Variants in GRIK3 observed in about 807,000 individuals in gnomAD.
The protein encoded by GRIK3 is glutamate ionotropic receptor kainate type subunit 3.
In GRIK3, 29 loss-of-function variants were observed where a neutral mutation model predicts 102.5. The ratio of observed to expected loss-of-function variants is 0.28; its 90% CI spans 0.21 to 0.39. GRIK3 has a LOEUF of 0.39. Among genes scored for constraint, GRIK3 ranks in the 10% least tolerant of loss-of-function variants. GRIK3 has a pLI of 1.00. For synonymous variants in GRIK3, 511 were observed against 504.9 expected (o/e 1.01, Z -0.16); for missense variants, 908 against 1,252.4 (o/e 0.73, Z 4.15).
intron 1 of GRIK3, among the ~76,000 whole-genome samples, chr1:36,959,967 G>T (rs373945244): frequency 2.0e-5 from 1 of 49,164 alleles, no homozygotes; most frequent in Non-Finnish European, 4.1e-5. Context: ...TGTGCCCTGT[G>T]AGTCTATGCC....
chr1:36,958,114 G>C (rs1570823698), intron 1 of GRIK3, among the ~76,000 whole-genome samples: 4 of 71,534 alleles, frequency 5.6e-5, no homozygotes, highest in African/African-American at 1.4e-4. Context: ...TGCCCCGTGA[G>C]TCTGTGTCCC....
intron 1 of GRIK3, among the ~76,000 whole-genome samples, chr1:36,979,145 G>T (rs1044620655): frequency 6.6e-6 from 1 of 152,198 alleles, no homozygotes; most frequent in Non-Finnish European, 1.5e-5. Flanking sequence ...GCCCCTCTAG[G>T]TATGGTATCC....
intron 1 of GRIK3, among the ~76,000 whole-genome samples, chr1:36,919,981 G>C (rs906986134): frequency 2.0e-5 from 3 of 152,250 alleles, no homozygotes; most frequent in African/African-American, 4.8e-5. Flanking sequence ...ACTGGATGCA[G>C]TATGGCTCCC....
At chr1:37,009,089 A>C (rs1419383318) in intron 1 of GRIK3, among the ~76,000 whole-genome samples, 1 of 151,810 alleles carries the variant, frequency 6.6e-6, no homozygotes, top group Non-Finnish European at 1.5e-5. Context: ...AATAATAATA[A>C]TAATAATAAT....
At chr1:37,022,772 T>A (rs1427444474) in intron 1 of GRIK3, among the ~76,000 whole-genome samples, 1 of 152,268 alleles carries the variant, frequency 6.6e-6, no homozygotes, top group South Asian at 2.1e-4. Context: ...CATTCATTTA[T>A]TCAACAAATA....
At chr1:36,946,887 G>T (rs559537746) in intron 1 of GRIK3, among the ~76,000 whole-genome samples, 1 of 152,300 alleles carries the variant, frequency 6.6e-6, no homozygotes, top group Admixed American at 6.5e-5. Context: ...GGAAGACCTG[G>T]ACAATTTGAT....
intron 2 of GRIK3, among the ~76,000 whole-genome samples, chr1:36,886,792 C>T (rs1280558986): frequency 6.6e-6 from 1 of 152,192 alleles, no homozygotes. Flanking sequence ...TTTCCAACAC[C>T]TAAGAAGGGT....
intron 5 of GRIK3, among the ~76,000 whole-genome samples, chr1:36,864,841 ATTT>A (rs570003008): frequency 2.2e-5 from 3 of 134,390 alleles, no homozygotes; most frequent in Admixed American, 7.4e-5. Flanking sequence ...GTCCAGCTCC[ATTT>A]TTTTTTTTTT....
At chr1:36,963,302 C>T (rs1642035519) in intron 1 of GRIK3, among the ~76,000 whole-genome samples, 1 of 152,156 alleles carries the variant, frequency 6.6e-6, no homozygotes, top group African/African-American at 2.4e-5. Context: ...GAGAAAACAG[C>T]TCTGGGAATA....
chr1:37,028,114 C>T (rs145407549), intron 1 of GRIK3, among the ~76,000 whole-genome samples: 3 of 152,036 alleles, frequency 2.0e-5, no homozygotes, highest in South Asian at 2.1e-4. Context: ...GGAAGGAAAA[C>T]GGGAAGTGAG....
intron 1 of GRIK3, among the ~76,000 whole-genome samples, chr1:36,983,366 G>A (rs1642269815): frequency 6.6e-6 from 1 of 152,098 alleles, no homozygotes; most frequent in South Asian, 2.1e-4. Context: ...ATACCTGCAG[G>A]TACACACGGC....
intron 2 of GRIK3, among the ~76,000 whole-genome samples, chr1:36,887,084 C>T (rs1024424780): frequency 1.1e-4 from 17 of 152,276 alleles, no homozygotes; most frequent in African/African-American, 3.9e-4. Flanking sequence ...TTAGTAGATA[C>T]TGCCAAATAG....
At chr1:36,918,649 C>T (rs1183614700) in intron 1 of GRIK3, among the ~76,000 whole-genome samples, 1 of 152,104 alleles carries the variant, frequency 6.6e-6, no homozygotes, top group Admixed American at 6.5e-5. Context: ...CAGGTGTGTC[C>T]AGCTGTGTCC....
rs192089298 is a variant in GRIK3, at chr1:36,842,981, C to A, written c.1327-1042G>T. 1.2e-4 allele frequency among the ~76,000 whole-genome samples: 19 copies of A among 152,110 alleles called. No homozygotes were observed. In the East Asian group the frequency reaches 3.3e-3, roughly 26 times the overall value. On this transcript the variant is annotated intron_variant, in intron 9 of 15. Transcript: ENST00000373091. ...CAGAGATGCCTGTCCCATGCCAGAC[C>A]CCCCACCATCCACCCCCTCCACCTG... is the stretch of plus-strand genomic sequence containing the variant.
intron 10 of GRIK3, among the ~76,000 whole-genome samples, chr1:36,835,634 A>T (rs1640367944): frequency 6.6e-6 from 1 of 152,188 alleles, no homozygotes; most frequent in Non-Finnish European, 1.5e-5. Context: ...GCAGGCTCCC[A>T]GGCTGAGACA....
At chr1:36,854,855 C>CA (rs2124232829) in intron 7 of GRIK3, among the ~76,000 whole-genome samples, 2 of 152,324 alleles carry the variant, frequency 1.3e-5, no homozygotes, top group East Asian at 3.9e-4. Flanking sequence ...TCATGGTTCC[C>CA]ACTTTACAGA....
At chr1:37,006,890 T>C (rs1557460946) in intron 1 of GRIK3, among the ~76,000 whole-genome samples, 1 of 152,180 alleles carries the variant, frequency 6.6e-6, no homozygotes, top group Non-Finnish European at 1.5e-5. Flanking sequence ...TAAGGAACTT[T>C]CCAAAGGCCA....
At chr1:37,013,611 C>T (rs567285733) in intron 1 of GRIK3, among the ~76,000 whole-genome samples, 14 of 152,314 alleles carry the variant, frequency 9.2e-5, no homozygotes, top group African/African-American at 3.1e-4. Context: ...CCTCCGCTGC[C>T]GAGAGCTCTG....
chr1:36,992,086 G>A (rs1300436384), intron 1 of GRIK3, among the ~76,000 whole-genome samples: 1 of 152,224 alleles, frequency 6.6e-6, no homozygotes. Context: ...CTCTTCCATT[G>A]TCTGCTTCTC....
Sources: gnomAD v4.1 joint callset for allele counts (sites outside exome capture counted in the v4.1 genomes callset) on GRCh38, gnomAD v4.1.1 for gene constraint, MANE v1.5 for transcripts, NCBI Gene and HGNC (gene_info 2026-07-23, HGNC 2026-07-21) for gene names.